The following MAFA variants were observed in gnomAD, a reference collection of about 807,000 sequenced individuals.
MAFA encodes the protein transcription factor MafA.
For synonymous variants in MAFA, 244 were observed against 260.3 expected (o/e 0.94, Z 0.60); for missense variants, 547 against 538.0 (o/e 1.02, Z -0.16).
rs1344437851 is a variant in MAFA, at chr8:143,430,593, C to T, written c.-187G>A. ...ACGTGGTCAACTCCGGGGCGGCGCG[C>T]TAGGGGCACCGCTGGCCAGGTGTCT... On this transcript the variant is annotated 5_prime_UTR_variant, in exon 1 of 1. Coordinates refer to ENST00000333480, the MANE Select transcript of MAFA (RefSeq NM_201589.4). 7.1e-6 allele frequency among the ~76,000 whole-genome samples: 1 copy of T among 141,666 alleles called. No homozygotes were observed. The highest frequency in any genetic ancestry group is 1.6e-5 in the Non-Finnish European group (1 of 63,522). The allele number at this position is 141,666 out of a possible 152,430, so 92.9% of individuals were successfully genotyped here.
Position 143,429,635 on chromosome 8 carries a change from T to A in MAFA, c.772A>T (p.Lys258Ter). 2 of 1,591,220 alleles carry A rather than the reference T, an allele frequency of 1.3e-6. No homozygotes were observed. The change falls in exon 1 of 1, where the codon AAG (lysine) becomes TAG (stop). Residue 258 changes from lysine (K) to a stop codon, truncating the protein, a stop_gained. Coordinates refer to ENST00000333480, the MANE Select transcript of MAFA (RefSeq NM_201589.4). LOFTEE classifies it low-confidence loss of function (END_TRUNC). This position sits in a 1 kb window ranked among gnomAD's most constrained non-coding sequence, Gnocchi z 5.9. The stretch of plus-strand genomic sequence containing the variant: ...CCGCGGTTCTTGAGCGTGCGCCGCT[T>A]CTGCTTGAGCCGGATGACCTCCTCC... ...SKEEVIRLKQ[K>*]RRTLKNRGYA...
At position 143,429,433 on chromosome 8, in the gene MAFA, C is replaced by T; in HGVS notation, c.974G>A (p.Ser325Asn). Reference protein sequence around the residue: ...EKLAGRGGPGSAGGAGFPREP... With the variant: ...EKLAGRGGPGNAGGAGFPREP... The stretch of plus-strand genomic sequence containing the variant: ...CCGCGGGAAACCGGCCCCGCCCGCG[C>T]TCCCGGGGCCGCCCCGGCCCGCCAG... Residue 325 changes from serine (S) to asparagine (N), a missense_variant, in exon 1 of 1, where the codon AGC becomes AAC. Ser to Asn is a conservative substitution (Grantham distance 46, BLOSUM62 1). Coordinates refer to ENST00000333480, the MANE Select transcript of MAFA (RefSeq NM_201589.4). The surrounding 1 kb of genome is among the most constrained non-coding windows in gnomAD (Gnocchi z 5.9). The T allele has an allele frequency of 6.4e-7, 1 of 1,554,276 alleles. No homozygotes were observed. The highest frequency in any genetic ancestry group is 8.6e-7 in the Non-Finnish European group (1 of 1,160,258).
rs1819529407 is a variant in MAFA at position 143,430,715 on chromosome 8, G to A, written c.-309C>T. ...CGCGCCCCACCCGCGCCGCCGGCCG[G>A]CCCCGCCTCCCACGGCTAAACGCGA... On this transcript the variant is annotated 5_prime_UTR_variant, in exon 1 of 1. Coordinates refer to ENST00000333480, the MANE Select transcript of MAFA (RefSeq NM_201589.4). Among the ~76,000 whole-genome samples the A allele has an allele frequency of 1.3e-5, 2 of 148,730 alleles. No homozygotes were observed. Among genetic ancestry groups the A allele is most frequent in the African/African-American group, 4.9e-5 (2 of 40,950 alleles).
At position 143,429,789 on chromosome 8, in the gene MAFA, G is replaced by A. The variant is rs751813631; in HGVS notation, c.618C>T (p.His206=). 1.9e-6 allele frequency: 1 copy of A among 534,038 alleles called. No individual in the cohort carries two copies. The allele number at this position is 534,038 out of a possible 1,614,324, so 33.1% of individuals were successfully genotyped here. A position where few individuals can be genotyped will look rare whatever the true frequency, so the allele number is the denominator to read the frequency against. ...HAAHHHHHHH[H]HHGGAGHGGG... ...CGCCGTGTCCCGCGCCGCCATGGTG[G>A]TGGTGGTGGTGGTGGTGGTGGTGGG... The change falls in exon 1 of 1, where the codon CAC becomes CAT. Residue 206 remains histidine (H), a synonymous_variant. Coordinates refer to ENST00000333480, the MANE Select transcript of MAFA (RefSeq NM_201589.4). This position sits in a 1 kb window ranked among gnomAD's most constrained non-coding sequence, Gnocchi z 5.9.
chr8:143,430,122 C>T lies in MAFA; in HGVS notation c.285G>A (p.Gly95=). 1 of 1,083,166 alleles carries T rather than the reference C, an allele frequency of 9.2e-7. No individual in the cohort carries two copies. Among genetic ancestry groups the T allele is most frequent in the Non-Finnish European group, 1.1e-6 (1 of 896,506 alleles). 67.1% of individuals were successfully genotyped at this position (1,083,166 alleles called of 1,614,324 possible). ...GGSSQAGGAP[G]PPSGGPGAVG... is the part of the protein sequence containing the mutation. Reference sequence around the variant, plus strand: ...CGGCGCCGGGGCCCCCGCTCGGCGGCCCGGGGGCGCCCCCGGCCTGAGACG... The same window carrying T: ...CGGCGCCGGGGCCCCCGCTCGGCGGTCCGGGGGCGCCCCCGGCCTGAGACG... The change falls in exon 1 of 1, where the codon GGG becomes GGA. Residue 95 remains glycine, a synonymous_variant. Coordinates refer to ENST00000333480, the MANE Select transcript of MAFA (RefSeq NM_201589.4).
At position 143,430,136 on chromosome 8, in the gene MAFA, C is replaced by G; in HGVS notation, c.271G>C (p.Gly91Arg). The G allele has an allele frequency of 9.1e-7, 1 of 1,098,322 alleles. No individual in the cohort carries two copies. The highest frequency in any genetic ancestry group is 1.1e-6 in the Non-Finnish European group (1 of 907,194). 68.0% of individuals were successfully genotyped at this position (1,098,322 alleles called of 1,614,324 possible). Residue 91 changes from glycine to arginine, a missense_variant, in exon 1 of 1, where the codon GGG becomes CGG. Gly to Arg is a moderately radical substitution (Grantham distance 125). Coordinates refer to ENST00000333480, the MANE Select transcript of MAFA (RefSeq NM_201589.4). ...CCGCTCGGCGGCCCGGGGGCGCCCC[C>G]GGCCTGAGACGAGCCGCCGCCGCCC... The part of the protein sequence containing the change: ...AGGGGGSSQA[G>R]GAPGPPSGGP...
In MAFA at chr8:143,429,654, C is replaced by T. The variant is rs1189066541; in HGVS notation, c.753G>A (p.Glu251=). Residue 251 remains glutamate, a synonymous_variant, in exon 1 of 1, where the codon GAG becomes GAA. Transcript: ENST00000333480. The surrounding 1 kb of genome is among the most constrained non-coding windows in gnomAD (Gnocchi z 5.9). ...NRQLRGFSKE[E]VIRLKQKRRT... is the part of the protein sequence containing the mutation. ...GCCGCTTCTGCTTGAGCCGGATGAC[C>T]TCCTCCTTGCTGAAGCCGCGGAGCT... 13 of 1,585,614 alleles carry T rather than the reference C, an allele frequency of 8.2e-6. No individual in the cohort carries two copies. Among genetic ancestry groups the T allele is most frequent in the Middle Eastern group, 3.4e-4 (2 of 5,880 alleles).
rs868758709 is a variant in MAFA at position 143,430,292 on chromosome 8, C to T, written c.115G>A (p.Glu39Lys). 1.3e-5 allele frequency: 19 copies of T among 1,450,100 alleles called. No individual in the cohort carries two copies. Among genetic ancestry groups the T allele is most frequent in the Non-Finnish European group, 1.7e-5 (18 of 1,087,244 alleles). 89.8% of individuals were successfully genotyped at this position (1,450,100 alleles called of 1,614,324 possible). Residue 39 changes from glutamate to lysine, a missense_variant, in exon 1 of 1, where the codon GAG becomes AAG. By Grantham distance (56) the Glu-to-Lys change is moderately conservative (BLOSUM62 1). Coordinates refer to ENST00000333480, the MANE Select transcript of MAFA (RefSeq NM_201589.4). ...FEVKKEPPEA[E>K]RFCHRLPPGS... ...GGCGGCAGGCGGTGGCAGAAGCGCTCGGCCTCGGGAGGCTCCTTCTTCACC... is the reference window on the plus strand; with the variant it reads ...GGCGGCAGGCGGTGGCAGAAGCGCTTGGCCTCGGGAGGCTCCTTCTTCACC...
chr8:143,429,880 C>G lies in MAFA; in HGVS notation c.527G>C (p.Gly176Ala). 7.6e-7 allele frequency: 1 copy of G among 1,313,416 alleles called. No individual in the cohort carries two copies. Among genetic ancestry groups the G allele is most frequent in the East Asian group, 3.2e-5 (1 of 31,488 alleles). 81.4% of individuals were successfully genotyped at this position (1,313,416 alleles called of 1,614,324 possible). A position where few individuals can be genotyped will look rare whatever the true frequency, so the allele number is the denominator to read the frequency against. Residue 176 changes from glycine (G) to alanine (A), a missense_variant, in exon 1 of 1, where the codon GGA (glycine) becomes GCA (alanine). By Grantham distance (60) the Gly-to-Ala change is moderately conservative. Coordinates refer to ENST00000333480, the MANE Select transcript of MAFA (RefSeq NM_201589.4). The surrounding 1 kb of genome is among the most constrained non-coding windows in gnomAD (Gnocchi z 5.9). ...GTGGCCGGCGCCCATGTCGTCCGCTCCGCCGCCGCCCGCGAAGCCCGGGCC... is the reference window on the plus strand; with the variant it reads ...GTGGCCGGCGCCCATGTCGTCCGCTGCGCCGCCGCCCGCGAAGCCCGGGCC... ...FRGPGFAGGGGADDMGAGHHH... is the reference protein window; with the variant it reads ...FRGPGFAGGGAADDMGAGHHH...
chr8:143,430,023 G>A lies in MAFA; in HGVS notation c.384C>T (p.Pro128=). 3 of 1,372,042 alleles carry A rather than the reference G, an allele frequency of 2.2e-6. No homozygotes were observed. The highest frequency in any genetic ancestry group is 2.4e-4 in the Middle Eastern group (1 of 4,100). 85.0% of individuals were successfully genotyped at this position (1,372,042 alleles called of 1,614,324 possible). A position where few individuals can be genotyped will look rare whatever the true frequency, so the allele number is the denominator to read the frequency against. Residue 128 remains proline, a synonymous_variant, in exon 1 of 1, where the codon CCC becomes CCT. Transcript: ENST00000333480. ...CCTCGGGCGTCAGGTTGAGCGCCTC[G>A]GGGTTGAGGTGATGCTGGTAGCCGC... The part of the protein sequence containing the change: ...WMSGYQHHLN[P]EALNLTPEDA...
chr8:143,429,972 G>A lies in MAFA; in HGVS notation c.435C>T (p.Ser145=), dbSNP rs1255105715. The A allele has an allele frequency of 4.6e-6, 6 of 1,299,900 alleles. No homozygotes were observed. The highest frequency in any genetic ancestry group is 4.0e-5 in the South Asian group (2 of 49,768). 80.5% of individuals were successfully genotyped at this position (1,299,900 alleles called of 1,614,324 possible). A position where few individuals can be genotyped will look rare whatever the true frequency, so the allele number is the denominator to read the frequency against. Residue 145 remains serine (S), a synonymous_variant, in exon 1 of 1, where the codon AGC becomes AGT. Transcript: ENST00000333480. This position sits in a 1 kb window ranked among gnomAD's most constrained non-coding sequence, Gnocchi z 5.9. ...CGCCGTGGTGCGCGCCGTGGTGGCC[G>A]CTGCCGATGAGCGCCTCCACCGCGT... ...PEDAVEALIG[S]GHHGAHHGAH...
rs7386685 is a variant in MAFA, at chr8:143,429,219, C to G, written c.*126G>C. The G allele has an allele frequency of 0.99, 1,156,724 of 1,165,284 alleles. 574,491 individuals carry two copies. Among genetic ancestry groups the G allele is most frequent in the East Asian group, 1 (28,074 of 28,076 alleles). 72.2% of individuals were successfully genotyped at this position (1,165,284 alleles called of 1,614,324 possible). A position where few individuals can be genotyped will look rare whatever the true frequency, so the allele number is the denominator to read the frequency against. On this transcript the variant is annotated 3_prime_UTR_variant, in exon 1 of 1. Transcript: ENST00000333480. The surrounding 1 kb of genome is among the most constrained non-coding windows in gnomAD (Gnocchi z 5.9). The stretch of plus-strand genomic sequence containing the variant: ...CAGCCCCGCGCCCGCAGACTTGGCA[C>G]CGGGGCCAGCACGGCCGGGCCGGGC...
rs1335353065 is a variant in MAFA, at chr8:143,429,438, G to C, written c.969C>G (p.Pro323=). The change falls in exon 1 of 1, where the codon CCC becomes CCG. Residue 323 remains proline, a synonymous_variant. Coordinates refer to ENST00000333480, the MANE Select transcript of MAFA (RefSeq NM_201589.4). The surrounding 1 kb of genome is among the most constrained non-coding windows in gnomAD (Gnocchi z 5.9). ...GGAAACCGGCCCCGCCCGCGCTCCC[G>C]GGGCCGCCCCGGCCCGCCAGCTTCT... is the stretch of plus-strand genomic sequence containing the variant. ...KYEKLAGRGG[P]GSAGGAGFPR... 4 of 1,557,562 alleles carry C rather than the reference G, an allele frequency of 2.6e-6. No individual in the cohort carries two copies. Among genetic ancestry groups the C allele is most frequent in the Non-Finnish European group, 3.4e-6 (4 of 1,161,836 alleles).
Position 143,429,890 on chromosome 8 carries a change from C to G in MAFA, c.517G>C (p.Gly173Arg). The G allele has an allele frequency of 1.5e-6, 2 of 1,306,208 alleles. No homozygotes were observed. The highest frequency in any genetic ancestry group is 1.9e-6 in the Non-Finnish European group (2 of 1,034,798). The allele number at this position is 1,306,208 out of a possible 1,614,324, so 80.9% of individuals were successfully genotyped here. The change falls in exon 1 of 1, where the codon GGC (glycine) becomes CGC (arginine). Residue 173 changes from glycine (G) to arginine (R), a missense_variant. Physicochemically the swap from Gly to Arg is moderately radical, Grantham distance 125. Coordinates refer to ENST00000333480, the MANE Select transcript of MAFA (RefSeq NM_201589.4). The surrounding 1 kb of genome is among the most constrained non-coding windows in gnomAD (Gnocchi z 5.9). ...YEAFRGPGFA[G>R]GGGADDMGAG... Reference sequence around the variant, plus strand: ...CCCATGTCGTCCGCTCCGCCGCCGCCCGCGAAGCCCGGGCCGCGGAAAGCC... The same window carrying G: ...CCCATGTCGTCCGCTCCGCCGCCGCGCGCGAAGCCCGGGCCGCGGAAAGCC...
chr8:143,429,900 C>G lies in MAFA; in HGVS notation c.507G>C (p.Pro169=). The G allele has an allele frequency of 7.7e-7, 1 of 1,296,370 alleles. No individual in the cohort carries two copies. Among genetic ancestry groups the G allele is most frequent in the South Asian group, 2.3e-5 (1 of 42,792 alleles). The allele number at this position is 1,296,370 out of a possible 1,614,324, so 80.3% of individuals were successfully genotyped here. The change falls in exon 1 of 1, where the codon CCG becomes CCC. Residue 169 remains proline (P), a synonymous_variant. Transcript: ENST00000333480. The surrounding 1 kb of genome is among the most constrained non-coding windows in gnomAD (Gnocchi z 5.9). ...AAAAYEAFRG[P]GFAGGGGADD... ...CCGCTCCGCCGCCGCCCGCGAAGCC[C>G]GGGCCGCGGAAAGCCTCGTAGGCTG...
In MAFA at chr8:143,429,172, G is replaced by C; in HGVS notation, c.*173C>G. The C allele has an allele frequency of 2.6e-6, 2 of 775,884 alleles. No homozygotes were observed. Among genetic ancestry groups the C allele is most frequent in the Admixed American group, 9.2e-5 (2 of 21,750 alleles). 48.1% of individuals were successfully genotyped at this position (775,884 alleles called of 1,614,324 possible). A position where few individuals can be genotyped will look rare whatever the true frequency, so the allele number is the denominator to read the frequency against. ...GACCCGGGCCGACGCGCGCGAACGG[G>C]GACCGGGAGCGAAGGGGCCTCCAGC... On this transcript the variant is annotated 3_prime_UTR_variant, in exon 1 of 1. Coordinates refer to ENST00000333480, the MANE Select transcript of MAFA (RefSeq NM_201589.4). This position sits in a 1 kb window ranked among gnomAD's most constrained non-coding sequence, Gnocchi z 5.9.
In MAFA at chr8:143,430,208, T is replaced by TGGGCGAGGA; in HGVS notation, c.190_198dup (p.Ser65_Ser67dup). Reference sequence around the variant, plus strand: ...GTGCCCGGGCTGGGCGCGCAGAAGCTGGGCGAGGAGGGCACGGAGGAGCAG... The same window carrying TGGGCGAGGA: ...GTGCCCGGGCTGGGCGCGCAGAAGCTGGGCGAGGAGGGCGAGGAGGGCACGGAGGAGCAG... On this transcript the variant is annotated inframe_insertion, in exon 1 of 1. Transcript: ENST00000333480. 1 of 1,264,028 alleles carries TGGGCGAGGA rather than the reference T, an allele frequency of 7.9e-7. No individual in the cohort carries two copies. The highest frequency in any genetic ancestry group is 1.0e-6 in the Non-Finnish European group (1 of 987,914). The allele number at this position is 1,264,028 out of a possible 1,614,324, so 78.3% of individuals were successfully genotyped here. A position where few individuals can be genotyped will look rare whatever the true frequency, so the allele number is the denominator to read the frequency against.
At position 143,430,661 on chromosome 8, in the gene MAFA, G is replaced by A. The variant is rs1051092663; in HGVS notation, c.-255C>T. 5.9e-4 allele frequency among the ~76,000 whole-genome samples: 86 copies of A among 146,836 alleles called. No individual in the cohort carries two copies. Among genetic ancestry groups the A allele is most frequent in the Admixed American group, 1.1e-3 (16 of 14,844 alleles). On this transcript the variant is annotated 5_prime_UTR_variant, in exon 1 of 1. Transcript: ENST00000333480. ...GCGTCGCCGCCTCCTCCCCGCGGCCGCCGCCTCGGGCTGCTCCGGGACCGC... is the reference window on the plus strand; with the variant it reads ...GCGTCGCCGCCTCCTCCCCGCGGCCACCGCCTCGGGCTGCTCCGGGACCGC...
Position 143,430,414 on chromosome 8 carries a change from G to A in MAFA, c.-8C>T, listed in dbSNP as rs777851207. 102 of 1,245,746 alleles carry A rather than the reference G, an allele frequency of 8.2e-5. No individual in the cohort carries two copies. Among genetic ancestry groups the A allele is most frequent in the Non-Finnish European group, 1.0e-4 (98 of 982,074 alleles). 77.2% of individuals were successfully genotyped at this position (1,245,746 alleles called of 1,614,324 possible). On this transcript the variant is annotated 5_prime_UTR_variant, in exon 1 of 1. Transcript: ENST00000333480. ...CGCCAGCTCCGCGGCCATCGCCCGG[G>A]GCCCGCGCCCGGCCGCGCCCCGACG...
Sources: allele counts gnomAD v4.1 joint callset (sites outside exome capture counted in the v4.1 genomes callset), GRCh38; gene constraint gnomAD v4.1.1; non-coding constraint Gnocchi (gnomAD v3.1); transcripts MANE v1.5; gene names NCBI Gene and HGNC (gene_info 2026-07-23, HGNC 2026-07-21).